Variants in CSDE1 observed in about 807,000 individuals in gnomAD.
CSDE1 encodes the protein cold shock domain-containing protein E1.
Under a neutral mutation model 89.3 loss-of-function variants are expected in CSDE1, and 17 were observed. The ratio of observed to expected loss-of-function variants is 0.19; its 90% CI spans 0.13 to 0.29. The LOEUF is 0.29. Ranked by LOEUF, CSDE1 falls within the 10% of genes least tolerant of loss-of-function variation. The pLI, the probability that CSDE1 is intolerant of heterozygous loss-of-function variation, is 1.00. For missense variants in CSDE1, 672 were observed against 984.2 expected (o/e 0.68, Z 4.24); for synonymous variants, 322 against 332.8 (o/e 0.97, Z 0.35).
At chr1:114,748,488 T>C (rs1661133544) in intron 2 of CSDE1, 1 of 152,236 alleles carries the variant, frequency 6.6e-6, no homozygotes, top group Non-Finnish European at 1.5e-5. Context: ...CAATATTCCA[T>C]ACTAGTGTAT....
In CSDE1 at chr1:114,725,317, C is replaced by A; in HGVS notation, c.1657G>T (p.Val553Phe). 1 of 1,614,046 alleles carries A rather than the reference C, an allele frequency of 6.2e-7. No individual in the cohort carries two copies. Among genetic ancestry groups the A allele is most frequent in the South Asian group, 1.1e-5 (1 of 91,082 alleles). Reference sequence around the variant, plus strand: ...ATGTCCCCCAGTTCCAGGCTATCAACATCACCAGAGAACTCACTAAGGAGA... The same window carrying A: ...ATGTCCCCCAGTTCCAGGCTATCAAAATCACCAGAGAACTCACTAAGGAGA... ...FFHYSEFSGD[V>F]DSLELGDMVE... The change falls in exon 15 of 20, where the codon GTT (valine) becomes TTT (phenylalanine). Residue 553 changes from valine to phenylalanine, a missense_variant. By Grantham distance (50) the Val-to-Phe change is conservative. Coordinates refer to ENST00000358528, the MANE Select transcript of CSDE1 (RefSeq NM_001007553.3).
At position 114,738,661 on chromosome 1, in the gene CSDE1, CTTTTTTTTTTT is replaced by C. The variant is rs752985259; in HGVS notation, c.200-600_200-590del. 4.9e-4 allele frequency among the ~76,000 whole-genome samples: 39 copies of C among 80,042 alleles called. 1 individual carries two copies. Among genetic ancestry groups the C allele is most frequent in the African/African-American group, 7.8e-4 (15 of 19,344 alleles). 52.5% of individuals were successfully genotyped at this position (80,042 alleles called of 152,430 possible). ...AAGCCAAACACTTCACATGTAAAAA[CTTTTTTTTTTT>C]TTTTTTTTTTTTTTTTTTGAGACAG... On this transcript the variant is annotated intron_variant, in intron 3 of 19. Transcript: ENST00000358528.
At chr1:114,748,247 C>G (rs1661123030) in intron 2 of CSDE1, 1 of 152,104 alleles carries the variant, frequency 6.6e-6, no homozygotes, top group African/African-American at 2.4e-5. Context: ...TTTTATTTGA[C>G]CTCTGTAGCA....
intron 9 of CSDE1, among the ~76,000 whole-genome samples, chr1:114,733,445 A>T (rs1441822081): frequency 6.6e-6 from 1 of 151,332 alleles, no homozygotes; most frequent in Non-Finnish European, 1.5e-5. Flanking sequence ...AGAATCGCTT[A>T]AACCCGGGAG....
At chr1:114,750,236 A>G (rs547054541) in intron 1 of CSDE1, 29 bp from the exon 2 acceptor site, 8 of 152,456 alleles carry the variant, frequency 5.2e-5, no homozygotes, top group Non-Finnish European at 1.0e-4. Flanking sequence ...GACATTAAGT[A>G]TAACATACAT....
intron 12 of CSDE1, 79 bp from the exon 13 acceptor site, chr1:114,727,169 A>G: frequency 1.0e-6 from 1 of 974,992 alleles, no homozygotes; most frequent in South Asian, 1.4e-5. Context: ...GTTCTTACAT[A>G]TTCTTGTGCC....
intron 6 of CSDE1, among the ~76,000 whole-genome samples, chr1:114,735,751 T>G (rs1660364461): frequency 6.6e-6 from 1 of 152,026 alleles, no homozygotes; most frequent in African/African-American, 2.4e-5. Context: ...TTCCTTCTCC[T>G]CTTGCATCTC....
At chr1:114,719,051 C>T (rs1413285816) in intron 18 of CSDE1, 3 of 298,780 alleles carry the variant, frequency 1.0e-5, no homozygotes, top group Non-Finnish European at 6.3e-6. Context: ...GTAGCTAACA[C>T]CTGTAATCCC....
At chr1:114,732,150 G>C (rs1660136754) in intron 10 of CSDE1, among the ~76,000 whole-genome samples, 1 of 152,008 alleles carries the variant, frequency 6.6e-6, no homozygotes, top group Non-Finnish European at 1.5e-5. Context: ...TATCATTGCT[G>C]TTAGTGTATT....
rs568710976 is a variant in CSDE1 at position 114,757,082 on chromosome 1, C to G, written c.-388+843G>C. On this transcript the variant is annotated intron_variant, in intron 1 of 19. Transcript: ENST00000358528. Reference sequence around the variant, plus strand: ...ACAGGAGGTGGAAGGGAGGACACTACTGAGCTTTCAGGGCGCACGCCCATT... The same window carrying G: ...ACAGGAGGTGGAAGGGAGGACACTAGTGAGCTTTCAGGGCGCACGCCCATT... Among the ~76,000 whole-genome samples the G allele has an allele frequency of 7.2e-5, 11 of 152,312 alleles. No individual in the cohort carries two copies. The East Asian group carries it at 2.1e-3, about 29-fold the overall frequency.
intron 2 of CSDE1, among the ~76,000 whole-genome samples, chr1:114,747,872 A>T (rs1270929498): frequency 6.6e-6 from 1 of 152,120 alleles, no homozygotes; most frequent in Non-Finnish European, 1.5e-5. Context: ...AGGAAAAAAA[A>T]AAAAATCTAA....
chr1:114,730,559 C>T lies in CSDE1; in HGVS notation c.1140G>A (p.Leu380=). Residue 380 remains leucine (L), a synonymous_variant, in exon 11 of 20, where the codon CTG becomes CTA. Transcript: ENST00000358528. The part of the protein sequence containing the change: ...VRMFFHFSEI[L]DGNQLHIADE... ...CTGCAATATGGAGCTGGTTCCCATC[C>T]AGAATTTCACTGAAGTGGAAGAACA... is the stretch of plus-strand genomic sequence containing the variant. The T allele has an allele frequency of 5.0e-6, 8 of 1,614,086 alleles. No homozygotes were observed. The highest frequency in any genetic ancestry group is 6.8e-6 in the Non-Finnish European group (8 of 1,180,014).
At chr1:114,737,197 A>G (rs1348844129) in intron 5 of CSDE1, among the ~76,000 whole-genome samples, 3 of 152,002 alleles carry the variant, frequency 2.0e-5, no homozygotes, top group Admixed American at 2.0e-4. Flanking sequence ...CCAGAAAAAG[A>G]TCCCCCCCAC....
intron 10 of CSDE1, 106 bp from the exon 11 acceptor site, chr1:114,730,754 T>C (rs890573432): frequency 9.3e-6 from 12 of 1,292,704 alleles, no homozygotes; most frequent in Admixed American, 1.8e-5. Flanking sequence ...TTCTCTGATG[T>C]GACACAAATA....
At chr1:114,744,091 TGGAA>T (rs1660882122) in intron 2 of CSDE1, among the ~76,000 whole-genome samples, 1 of 152,148 alleles carries the variant, frequency 6.6e-6, no homozygotes, top group Non-Finnish European at 1.5e-5. Flanking sequence ...ATAGGACAAA[TGGAA>T]GTAGATAATT....
At chr1:114,753,119 T>C (rs1661394976) in intron 1 of CSDE1, among the ~76,000 whole-genome samples, 1 of 152,224 alleles carries the variant, frequency 6.6e-6, no homozygotes, top group Admixed American at 6.5e-5. Context: ...ACTGTGTATA[T>C]TGGTTTTATC....
At chr1:114,745,366 T>C (rs1031620548) in intron 2 of CSDE1, among the ~76,000 whole-genome samples, 3 of 152,232 alleles carry the variant, frequency 2.0e-5, no homozygotes, top group Non-Finnish European at 4.4e-5. Context: ...GTAACTTATG[T>C]AATGCTATGT....
At chr1:114,719,543 G>A in intron 18 of CSDE1, 36 bp downstream of exon 18, 2 of 1,600,456 alleles carry the variant, frequency 1.2e-6, no homozygotes, top group Non-Finnish European at 1.7e-6. Flanking sequence ...GACACTCCAG[G>A]GTAGTTACTA....
intron 9 of CSDE1, among the ~76,000 whole-genome samples, chr1:114,733,451 G>A (rs904700832): frequency 6.6e-5 from 10 of 151,364 alleles, no homozygotes; most frequent in African/African-American, 9.7e-5. Flanking sequence ...GCTTAAACCC[G>A]GGAGGCGGAG....
Sources: gnomAD v4.1 joint callset for allele counts (sites outside exome capture counted in the v4.1 genomes callset) on GRCh38, gnomAD v4.1.1 for gene constraint, MANE v1.5 for transcripts, NCBI Gene and HGNC (gene_info 2026-07-23, HGNC 2026-07-21) for gene names.